Variants in C8orf34 observed in about 807,000 individuals in gnomAD.
C8orf34 encodes the protein uncharacterized protein C8orf34.
C8orf34 carries 65 observed loss-of-function variants against 68.3 expected under a neutral mutation model. The observed-to-expected ratio is 0.95, with a 90% CI of 0.78 to 1.17. C8orf34 has a LOEUF of 1.17. Among genes scored for constraint, C8orf34 ranks in the 50% most tolerant of loss-of-function variants. C8orf34 has a pLI of 0.00. For missense variants in C8orf34, 664 were observed against 655.4 expected, an observed-to-expected ratio of 1.01 and a Z score of -0.14; for synonymous variants, 244 against 241.2, an observed-to-expected ratio of 1.01 and a Z score of -0.11.
At chr8:68,479,476 T>G (rs2129630947) in intron 4 of C8orf34, among the ~76,000 whole-genome samples, 1 of 151,940 alleles carries the variant, frequency 6.6e-6, no homozygotes, top group South Asian at 2.1e-4. Flanking sequence ...TGTGTACAAT[T>G]AATGGTTTTT....
At chr8:68,815,469 G>T (rs1278207697) in intron 12 of C8orf34, among the ~76,000 whole-genome samples, 1 of 152,056 alleles carries the variant, frequency 6.6e-6, no homozygotes, top group African/African-American at 2.4e-5. Context: ...ATCACAATAA[G>T]TAGCGTGTAC....
chr8:68,649,013 G>A (rs1819263294), intron 8 of C8orf34, among the ~76,000 whole-genome samples: 1 of 152,040 alleles, frequency 6.6e-6, no homozygotes, highest in African/African-American at 2.4e-5. Context: ...GTTTCATTTT[G>A]TTTATGATTT....
intron 1 of C8orf34, among the ~76,000 whole-genome samples, chr8:68,430,891 G>A (rs1810426194): frequency 1.3e-5 from 2 of 151,866 alleles, no homozygotes; most frequent in South Asian, 2.1e-4. Context: ...TTTCCTTATA[G>A]GAAACAAAAT....
intron 8 of C8orf34, among the ~76,000 whole-genome samples, chr8:68,653,490 A>AT (rs1463668280): frequency 4.6e-5 from 7 of 152,206 alleles, no homozygotes; most frequent in African/African-American, 1.7e-4. Context: ...TTTGCCTGCT[A>AT]TAAAAAAAGT....
At chr8:68,480,737 A>T (rs1427738408) in intron 4 of C8orf34, among the ~76,000 whole-genome samples, 1 of 152,046 alleles carries the variant, frequency 6.6e-6, no homozygotes, top group Non-Finnish European at 1.5e-5. Context: ...TGCCCTAGAG[A>T]TTTGTGGAAC....
At chr8:68,468,546 C>G (rs1348503477) in intron 3 of C8orf34, 146 bp from the exon 4 acceptor site, 2 of 712,248 alleles carry the variant, frequency 2.8e-6, no homozygotes, top group African/African-American at 3.7e-5. Context: ...ATCTTCCCCT[C>G]TTTTTTCTCA....
intron 7 of C8orf34, among the ~76,000 whole-genome samples, chr8:68,629,806 A>T (rs914159415): frequency 1.3e-5 from 2 of 151,852 alleles, no homozygotes; most frequent in Non-Finnish European, 2.9e-5. Context: ...TGTTTAAGTG[A>T]GTGCATGTGT....
chr8:68,441,181 CT>C (rs769081722), intron 2 of C8orf34, among the ~76,000 whole-genome samples: 1 of 151,992 alleles, frequency 6.6e-6, no homozygotes, highest in Non-Finnish European at 1.5e-5. Context: ...TTAGCTGAGT[CT>C]TCTGCCCAGT....
At chr8:68,567,719 C>T (rs377280797) in intron 7 of C8orf34, among the ~76,000 whole-genome samples, 20 of 131,166 alleles carry the variant, frequency 1.5e-4, no homozygotes, top group African/African-American at 6.0e-4. Context: ...CTCAGCCTCC[C>T]GAGTCTTTTG....
intron 12 of C8orf34, chr8:68,791,904 T>C (rs932925132): frequency 3.9e-5 from 6 of 152,206 alleles, no homozygotes; most frequent in African/African-American, 1.4e-4. Flanking sequence ...TTGCTATTGG[T>C]ATTAGACTTT....
intron 7 of C8orf34, among the ~76,000 whole-genome samples, chr8:68,551,350 TTTC>T (rs1370679672): frequency 1.3e-5 from 2 of 152,026 alleles, no homozygotes. Context: ...ATCTGTAACA[TTTC>T]TTTTTTAATT....
chr8:68,547,887 A>C (rs1320094206), intron 7 of C8orf34, among the ~76,000 whole-genome samples: 1 of 151,696 alleles, frequency 6.6e-6, no homozygotes. Context: ...CAGTCCAGAA[A>C]TAGATCCACA....
At chr8:68,349,678 T>C (rs1806429030) in intron 1 of C8orf34, among the ~76,000 whole-genome samples, 1 of 151,982 alleles carries the variant, frequency 6.6e-6, no homozygotes, top group South Asian at 2.1e-4. Flanking sequence ...GTTCAGGGAA[T>C]CGATTTCTCC....
intron 8 of C8orf34, among the ~76,000 whole-genome samples, chr8:68,697,755 C>T (rs1820877337): frequency 1.3e-5 from 2 of 152,054 alleles, no homozygotes; most frequent in Non-Finnish European, 2.9e-5. Flanking sequence ...AGTTCCCAGC[C>T]CATGGACTGC....
intron 5 of C8orf34, among the ~76,000 whole-genome samples, chr8:68,509,080 T>C (rs1263364964): frequency 6.6e-6 from 1 of 151,838 alleles, no homozygotes; most frequent in Admixed American, 6.6e-5. Flanking sequence ...GCTTTCTCAT[T>C]CCCCCCTCTA....
At chr8:68,738,614 C>T (rs1822188286) in intron 10 of C8orf34, among the ~76,000 whole-genome samples, 1 of 151,962 alleles carries the variant, frequency 6.6e-6, no homozygotes, top group Admixed American at 6.6e-5. Context: ...TTATCACTCA[C>T]CCCACAGAAA....
chr8:68,468,574 A>G, intron 3 of C8orf34, 118 bp from the exon 4 acceptor site: 1 of 968,116 alleles, frequency 1.0e-6, no homozygotes, highest in East Asian at 3.0e-5. Flanking sequence ...ACCATCTTCA[A>G]GATAAACACT....
chr8:68,753,869 C>T lies in C8orf34; in HGVS notation c.1405-22530C>T, dbSNP rs567549857. On this transcript the variant is annotated intron_variant, in intron 10 of 13. Transcript: ENST00000518698. ...TTTGATCTGTCATGCATGGCCCCTG[C>T]ATGACATTTCTTGGTGTGTGTTCTG... Among the ~76,000 whole-genome samples the T allele has an allele frequency of 5.3e-5, 8 of 152,256 alleles. No individual in the cohort carries two copies. In the East Asian group the frequency reaches 1.4e-3, roughly 26 times the overall value.
At chr8:68,789,941 A>G (rs1823946727) in intron 12 of C8orf34, among the ~76,000 whole-genome samples, 1 of 152,216 alleles carries the variant, frequency 6.6e-6, no homozygotes, top group Non-Finnish European at 1.5e-5. Flanking sequence ...CTAGAACCAA[A>G]AATATTTGAT....
Sources: allele counts gnomAD v4.1 joint callset (sites outside exome capture counted in the v4.1 genomes callset), GRCh38; gene constraint gnomAD v4.1.1; transcripts MANE v1.5; gene names NCBI Gene and HGNC (gene_info 2026-07-23, HGNC 2026-07-21).